ENTREP2: variants seen among roughly 807,000 people sequenced by gnomAD.
ENTREP2 encodes the protein endosomal transmembrane epsin interactor 2, also known as protein ENTREP2.
At chr15:29,517,973 A>T in the ENTREP2 span, among the ~76,000 whole-genome samples, 1 of 152,172 alleles carries the variant, frequency 6.6e-6, no homozygotes, top group Admixed American at 6.5e-5. Flanking sequence ...GCGGTGGTTC[A>T]TGTTTGTAAT....
At chr15:29,280,630 A>C in the ENTREP2 span, among the ~76,000 whole-genome samples, 10 of 152,126 alleles carry the variant, frequency 6.6e-5, no homozygotes, top group Non-Finnish European at 1.2e-4. Context: ...ATGCCCCCCC[A>C]CACAGGTTAG....
At chr15:29,410,123 T>G in the ENTREP2 span, among the ~76,000 whole-genome samples, 2 of 149,000 alleles carry the variant, frequency 1.3e-5, no homozygotes, top group Admixed American at 6.6e-5. Flanking sequence ...GCCTGTCTCT[T>G]TGTTTGTATG....
chr15:29,259,283 C>T, the ENTREP2 span, among the ~76,000 whole-genome samples: 1 of 152,190 alleles, frequency 6.6e-6, no homozygotes, highest in East Asian at 1.9e-4. Context: ...AATCTGATTT[C>T]AGAGTCACCA....
At chr15:29,514,219 C>T in the ENTREP2 span, among the ~76,000 whole-genome samples, 2 of 152,170 alleles carry the variant, frequency 1.3e-5, no homozygotes, top group Non-Finnish European at 2.9e-5. Flanking sequence ...ATCCAATGAA[C>T]AACTCTCCTT....
At chr15:29,328,852 T>C in the ENTREP2 span, among the ~76,000 whole-genome samples, 1 of 152,144 alleles carries the variant, frequency 6.6e-6, no homozygotes. Flanking sequence ...TAGAAATAGT[T>C]ACAGGTTACA....
chr15:29,143,401 G>T, the ENTREP2 span, among the ~76,000 whole-genome samples: 1 of 152,208 alleles, frequency 6.6e-6, no homozygotes, highest in African/African-American at 2.4e-5. Context: ...GGAAAGTGGG[G>T]CTGAGACCCG....
chr15:29,580,323 A>G, the ENTREP2 span, among the ~76,000 whole-genome samples: 35 of 152,330 alleles, frequency 2.3e-4, no homozygotes, highest in African/African-American at 7.9e-4. Flanking sequence ...TAAAAACCCC[A>G]ACTCCACTTC....
At chr15:29,431,253 C>A in the ENTREP2 span, among the ~76,000 whole-genome samples, 2 of 152,130 alleles carry the variant, frequency 1.3e-5, no homozygotes, top group Non-Finnish European at 2.9e-5. Flanking sequence ...AAATTTCCCT[C>A]CTGCGATGCC....
the ENTREP2 span, among the ~76,000 whole-genome samples, chr15:29,435,635 T>G: frequency 6.6e-6 from 1 of 152,000 alleles, no homozygotes; most frequent in African/African-American, 2.4e-5. Flanking sequence ...GGCCCTTGGA[T>G]TCTTTCAAGA....
the ENTREP2 span, among the ~76,000 whole-genome samples, chr15:29,435,422 T>C: frequency 1.3e-5 from 2 of 152,132 alleles, no homozygotes; most frequent in African/African-American, 2.4e-5. Context: ...GTGGGGACCA[T>C]GTTTGACCAG....
the ENTREP2 span, among the ~76,000 whole-genome samples, chr15:29,380,266 C>G: frequency 6.6e-6 from 1 of 152,184 alleles, no homozygotes; most frequent in Admixed American, 6.5e-5. Context: ...GGAGCCTCAC[C>G]TGACTCTAAG....
the ENTREP2 span, among the ~76,000 whole-genome samples, chr15:29,414,761 TAAA>T: frequency 1.5e-4 from 22 of 151,702 alleles, no homozygotes; most frequent in East Asian, 3.9e-4. Flanking sequence ...GCAAGACTAA[TAAA>T]GAAGAAAAGA....
chr15:29,560,602 G>A, the ENTREP2 span, among the ~76,000 whole-genome samples: 1 of 152,154 alleles, frequency 6.6e-6, no homozygotes, highest in South Asian at 2.1e-4. Context: ...TCACCTTGCT[G>A]CTCCGCCACA....
chr15:29,215,517 C>G, the ENTREP2 span, among the ~76,000 whole-genome samples: 2 of 151,746 alleles, frequency 1.3e-5, no homozygotes, highest in South Asian at 4.2e-4. Flanking sequence ...CCTCAGCCTG[C>G]AGACAGCCTA....
At chr15:29,137,868 G>A in the ENTREP2 span, among the ~76,000 whole-genome samples, 4 of 151,746 alleles carry the variant, frequency 2.6e-5, no homozygotes, top group South Asian at 2.1e-4. Context: ...AAACAAAGAC[G>A]GCATTTCTCA....
the ENTREP2 span, chr15:29,233,573 T>A: frequency 1.6e-6 from 1 of 606,428 alleles, no homozygotes; most frequent in African/African-American, 1.8e-5. Flanking sequence ...TGTAATTTAG[T>A]CCACAAAATA....
At chr15:29,542,771 T>C in the ENTREP2 span, among the ~76,000 whole-genome samples, 1 of 152,232 alleles carries the variant, frequency 6.6e-6, no homozygotes, top group Non-Finnish European at 1.5e-5. Flanking sequence ...TCCTACTTCC[T>C]GCTTCTATGA....
At chr15:29,409,986 TG>T in the ENTREP2 span, among the ~76,000 whole-genome samples, 1 of 152,210 alleles carries the variant, frequency 6.6e-6, no homozygotes, top group Non-Finnish European at 1.5e-5. Flanking sequence ...ACTGCTCGCC[TG>T]CTCAGCTATC....
At chr15:29,440,506 A>G in the ENTREP2 span, among the ~76,000 whole-genome samples, 7 of 152,224 alleles carry the variant, frequency 4.6e-5, no homozygotes, top group African/African-American at 1.2e-4. Flanking sequence ...CAACATTAGC[A>G]TGAAGAAAAT....
Sources: gnomAD v4.1 joint callset for allele counts (sites outside exome capture counted in the v4.1 genomes callset) on GRCh38, gnomAD v4.1.1 for gene constraint, MANE v1.5 for transcripts, NCBI Gene and HGNC (gene_info 2026-07-23, HGNC 2026-07-21) for gene names.